The following SORT1 variants were observed in gnomAD, a reference collection of about 807,000 sequenced individuals.
SORT1 encodes the protein sortilin 1.
SORT1 carries 39 observed loss-of-function variants against 101.7 expected under a neutral mutation model. That is an observed-to-expected ratio of 0.38 (90% confidence interval 0.30 to 0.50). The LOEUF (loss-of-function observed/expected upper bound fraction) is 0.50, where lower values mean the gene tolerates loss of function less well. SORT1 is among the 20% of genes least tolerant of loss of function. The probability of loss-of-function intolerance (pLI) is 0.90; values close to 1 mark genes in which losing one functional copy is unlikely to be tolerated. For missense variants in SORT1, 878 were observed against 1,040.4 expected (o/e 0.84, Z 2.15); for synonymous variants, 396 against 393.7 (o/e 1.01, Z -0.07).
intron 3 of SORT1, among the ~76,000 whole-genome samples, chr1:109,364,039 G>C (rs1650916785): frequency 6.6e-6 from 1 of 151,958 alleles, no homozygotes; most frequent in Non-Finnish European, 1.5e-5. Flanking sequence ...TCATGGCAGG[G>C]AAGAGATAAT....
intron 9 of SORT1, among the ~76,000 whole-genome samples, chr1:109,341,503 C>T (rs1435275757): frequency 2.6e-5 from 4 of 152,058 alleles, no homozygotes; most frequent in African/African-American, 9.7e-5. Flanking sequence ...CTCGCCACCA[C>T]GGCCAGCTAA....
At chr1:109,353,244 C>G (rs1398469680) in intron 5 of SORT1, among the ~76,000 whole-genome samples, 1 of 148,696 alleles carries the variant, frequency 6.7e-6, no homozygotes, top group East Asian at 2.0e-4. Flanking sequence ...AGGAGAAGCA[C>G]TTGTACCCGG....
chr1:109,349,838 CT>C (rs1453663176), intron 6 of SORT1, among the ~76,000 whole-genome samples: 1 of 152,158 alleles, frequency 6.6e-6, no homozygotes, highest in African/African-American at 2.4e-5. Flanking sequence ...TTTAATCAAT[CT>C]TGGTAGACAT....
At chr1:109,331,923 A>G (rs1648481502) in intron 11 of SORT1, among the ~76,000 whole-genome samples, 1 of 151,716 alleles carries the variant, frequency 6.6e-6, no homozygotes, top group East Asian at 1.9e-4. Context: ...TTCATCTACA[A>G]TAGTACAAGA....
At chr1:109,333,257 C>A (rs1319939277) in intron 11 of SORT1, among the ~76,000 whole-genome samples, 1 of 152,098 alleles carries the variant, frequency 6.6e-6, no homozygotes, top group Non-Finnish European at 1.5e-5. Context: ...GTACAAAAAT[C>A]AACTCAAAAT....
intron 1 of SORT1, among the ~76,000 whole-genome samples, chr1:109,370,630 T>C (rs1651432896): frequency 6.6e-6 from 1 of 152,188 alleles, no homozygotes; most frequent in Admixed American, 6.5e-5. Context: ...AATAGTTCAG[T>C]ATATATTTCT....
At chr1:109,332,499 GT>G (rs1300887281) in intron 11 of SORT1, among the ~76,000 whole-genome samples, 1 of 152,120 alleles carries the variant, frequency 6.6e-6, no homozygotes, top group Non-Finnish European at 1.5e-5. Context: ...GAGCCTAGGA[GT>G]TTGAGGCTGC....
chr1:109,322,393 G>C (rs111831938), intron 15 of SORT1, among the ~76,000 whole-genome samples: 1 of 151,854 alleles, frequency 6.6e-6, no homozygotes, highest in Admixed American at 6.6e-5. Context: ...AGGATTTCTC[G>C]GGTTTGTTGC....
chr1:109,357,364 A>G (rs182137649), intron 3 of SORT1, among the ~76,000 whole-genome samples: 5 of 152,362 alleles, frequency 3.3e-5, no homozygotes. Context: ...AGGTTTTGGT[A>G]GCGGCCTCAA....
chr1:109,314,225 G>T (rs774409507), intron 19 of SORT1, 36 bp downstream of exon 19: 11 of 1,486,208 alleles, frequency 7.4e-6, no homozygotes, highest in South Asian at 2.3e-5. Flanking sequence ...TTTTTTGGGG[G>T]GGGGGGTACT....
At chr1:109,390,637 T>C (rs1255090641) in intron 1 of SORT1, among the ~76,000 whole-genome samples, 8 of 152,006 alleles carry the variant, frequency 5.3e-5, no homozygotes, top group Admixed American at 2.0e-4. Flanking sequence ...CTAACTTGTC[T>C]GGGAATTATT....
chr1:109,353,466 C>T (rs772173580), intron 5 of SORT1, among the ~76,000 whole-genome samples: 1 of 152,110 alleles, frequency 6.6e-6, no homozygotes, highest in African/African-American at 2.4e-5. Flanking sequence ...TGCCCTTCGT[C>T]CTCCTATGTC....
intron 4 of SORT1, among the ~76,000 whole-genome samples, chr1:109,355,164 C>T (rs1006676923): frequency 6.6e-6 from 1 of 152,010 alleles, no homozygotes; most frequent in Non-Finnish European, 1.5e-5. Flanking sequence ...AAGGCTGCAG[C>T]GAGCCGTGAC....
intron 2 of SORT1, among the ~76,000 whole-genome samples, chr1:109,367,711 C>G (rs553832888): frequency 6.6e-6 from 1 of 152,272 alleles, no homozygotes; most frequent in East Asian, 1.9e-4. Flanking sequence ...GCTGACTACT[C>G]AAATACACAT....
chr1:109,352,769 T>C lies in SORT1; in HGVS notation c.708+1598A>G, dbSNP rs951895494. Reference sequence around the variant, plus strand: ...CATCCCAATTATATGTACTTCAGATTTACCCTTAAATGGAAGAAATTTCAG... The same window carrying C: ...CATCCCAATTATATGTACTTCAGATCTACCCTTAAATGGAAGAAATTTCAG... On this transcript the variant is annotated intron_variant, in intron 5 of 19. Coordinates refer to ENST00000256637, the MANE Select transcript of SORT1 (RefSeq NM_002959.7). Among the ~76,000 whole-genome samples the C allele has an allele frequency of 6.6e-5, 10 of 152,310 alleles. No homozygotes were observed. In the South Asian group the frequency reaches 1.2e-3, roughly 19 times the overall value.
At chr1:109,392,493 C>T (rs1652975311) in intron 1 of SORT1, 1 of 454,662 alleles carries the variant, frequency 2.2e-6, no homozygotes, top group African/African-American at 2.1e-5. Context: ...GAACATAAGC[C>T]TTCTTCCAAT....
chr1:109,365,198 AG>A, intron 3 of SORT1, among the ~76,000 whole-genome samples: 1 of 152,294 alleles, frequency 6.6e-6, no homozygotes, highest in South Asian at 2.1e-4. Flanking sequence ...AATGAAACAC[AG>A]GTTGGTAAGA....
chr1:109,390,960 T>C (rs1652886115), intron 1 of SORT1, among the ~76,000 whole-genome samples: 1 of 152,110 alleles, frequency 6.6e-6, no homozygotes, highest in Non-Finnish European at 1.5e-5. Flanking sequence ...CATGTGAATA[T>C]ATTTATGGTA....
Position 109,390,798 on chromosome 1 carries a change from T to TGTGTGC in SORT1, c.306+6788_306+6789insGCACAC, listed in dbSNP as rs749556914. On this transcript the variant is annotated intron_variant, in intron 1 of 19. Transcript: ENST00000256637. ...GTGTGTGTGTGTGTGTGTGTGTGTG[T>TGTGTGC]GCGCGCGCGCGTTTTAGGACATACA... 3.1e-3 allele frequency among the ~76,000 whole-genome samples: 446 copies of TGTGTGC among 144,958 alleles called. 3 individuals carry two copies. The highest frequency in any genetic ancestry group is 0.011 in the African/African-American group (405 of 38,492).
Sources: allele counts gnomAD v4.1 joint callset (sites outside exome capture counted in the v4.1 genomes callset), GRCh38; gene constraint gnomAD v4.1.1; transcripts MANE v1.5; gene names NCBI Gene and HGNC (gene_info 2026-07-23, HGNC 2026-07-21).